Variants in GREB1L observed in about 807,000 individuals in gnomAD.
GREB1L encodes GREB1 like retinoic acid receptor coactivator.
GREB1L carries 17 observed loss-of-function variants against 200.8 expected under a neutral mutation model. That is an observed-to-expected ratio of 0.08 (90% CI 0.06 to 0.13). The LOEUF (loss-of-function observed/expected upper bound fraction) is 0.13, where lower values mean the gene tolerates loss of function less well. Ranked by LOEUF, GREB1L falls within the 10% of genes least tolerant of loss-of-function variation. GREB1L has a pLI of 1.00. For missense variants in GREB1L, 1,657 were observed against 2,367.7 expected (o/e 0.70, Z 6.23); for synonymous variants, 789 against 893.0 (o/e 0.88, Z 2.08).
At chr18:21,312,397 G>A (rs549656864) in intron 1 of GREB1L, among the ~76,000 whole-genome samples, 5 of 152,022 alleles carry the variant, frequency 3.3e-5, no homozygotes, top group African/African-American at 9.7e-5. Flanking sequence ...TTCAGGAATC[G>A]CCACACTGCT....
intron 17 of GREB1L, among the ~76,000 whole-genome samples, chr18:21,481,499 CATT>C: frequency 7.8e-6 from 1 of 128,404 alleles, no homozygotes; most frequent in East Asian, 2.3e-4. Context: ...ATATATATAG[CATT>C]ATTAGAATTT....
intron 25 of GREB1L, 55 bp from the exon 26 acceptor site, chr18:21,508,063 G>A: frequency 1.3e-6 from 2 of 1,510,314 alleles, no homozygotes; most frequent in Non-Finnish European, 9.0e-7. Context: ...TGGCCTGGAA[G>A]TTTGGAAACT....
Position 21,406,454 on chromosome 18 carries a change from A to T in GREB1L, c.832+2460A>T, listed in dbSNP as rs531584715. On this transcript the variant is annotated intron_variant, in intron 7 of 32. Coordinates refer to ENST00000424526, the MANE Select transcript of GREB1L (RefSeq NM_001142966.3). ...TGCAACCCAGAAAATGTAATAAAAGAAAGTGCCTTTATAAGTGATGCTTTG... is the reference window on the plus strand; with the variant it reads ...TGCAACCCAGAAAATGTAATAAAAGTAAGTGCCTTTATAAGTGATGCTTTG... 2.2e-4 allele frequency among the ~76,000 whole-genome samples: 34 copies of T among 152,384 alleles called. 1 individual carries two copies. Among genetic ancestry groups the T allele is most frequent in the Admixed American group, 2.0e-3 (30 of 15,308 alleles).
rs1235166346 is a variant in GREB1L at position 21,477,136 on chromosome 18, ATTAATATG to A, written c.2364-27_2364-20del. ...CTATATCTACTTGGTTAAATGAGGT[ATTAATATG>A]ACTTTCAATTTTTCTACAGTGTCAT... On this transcript the variant is annotated intron_variant, in intron 16 of 32. Coordinates refer to ENST00000424526, the MANE Select transcript of GREB1L (RefSeq NM_001142966.3). 1 of 1,487,934 alleles carries A rather than the reference ATTAATATG, an allele frequency of 6.7e-7. No individual in the cohort carries two copies. Among genetic ancestry groups the A allele is most frequent in the Non-Finnish European group, 9.1e-7 (1 of 1,094,496 alleles). 92.2% of individuals were successfully genotyped at this position (1,487,934 alleles called of 1,614,324 possible).
intron 15 of GREB1L, among the ~76,000 whole-genome samples, chr18:21,471,708 GC>G (rs1291825219): frequency 2.7e-5 from 4 of 148,640 alleles, no homozygotes; most frequent in African/African-American, 1.0e-4. Context: ...CGCAACCTCG[GC>G]CTCCTGGGTT....
intron 10 of GREB1L, among the ~76,000 whole-genome samples, chr18:21,443,693 C>G (rs906048495): frequency 1.4e-4 from 21 of 152,144 alleles, no homozygotes; most frequent in African/African-American, 5.1e-4. Flanking sequence ...GTACAGTTGT[C>G]CCTTAGTATC....
chr18:21,347,861 G>A (rs2039372287), intron 1 of GREB1L, among the ~76,000 whole-genome samples: 1 of 148,080 alleles, frequency 6.8e-6, no homozygotes, highest in South Asian at 2.2e-4. Context: ...CCGCCTCCCA[G>A]GTTCAAGTGA....
chr18:21,364,588 G>A (rs2143615011), intron 1 of GREB1L, among the ~76,000 whole-genome samples: 1 of 152,284 alleles, frequency 6.6e-6, no homozygotes. Context: ...CTATACAAAT[G>A]GTTGAGTATC....
chr18:21,264,487 T>C (rs2037936502), intron 1 of GREB1L, among the ~76,000 whole-genome samples: 2 of 152,146 alleles, frequency 1.3e-5, no homozygotes, highest in African/African-American at 2.4e-5. Flanking sequence ...TGGATGTTCA[T>C]TGGAATAGAA....
At chr18:21,516,782 C>G in intron 30 of GREB1L, 28 bp downstream of exon 30, 1 of 1,541,184 alleles carries the variant, frequency 6.5e-7, no homozygotes, top group South Asian at 1.2e-5. Context: ...GATTCAAGTG[C>G]TGAAAATAAG....
At chr18:21,520,200 C>A (rs927900260) in intron 31 of GREB1L, among the ~76,000 whole-genome samples, 6 of 152,214 alleles carry the variant, frequency 3.9e-5, no homozygotes, top group African/African-American at 1.2e-4. Context: ...CTCGGCCTCT[C>A]AAAGGGCTGG....
rs564241663 is a variant in GREB1L at position 21,412,848 on chromosome 18, C to G, written c.832+8854C>G. Among the ~76,000 whole-genome samples, 8 of 152,220 alleles carry G rather than the reference C, an allele frequency of 5.3e-5. No homozygotes were observed. The East Asian group carries it at 5.8e-4, about 11-fold the overall frequency. On this transcript the variant is annotated intron_variant, in intron 7 of 32. Coordinates refer to ENST00000424526, the MANE Select transcript of GREB1L (RefSeq NM_001142966.3). The stretch of plus-strand genomic sequence containing the variant: ...TAAAAGGGTGGATTTACCACCCCCC[C>G]CCACCACCAAACTACATATATGTAC...
chr18:21,346,028 CAAAG>C (rs2039339602), intron 1 of GREB1L, among the ~76,000 whole-genome samples: 1 of 152,068 alleles, frequency 6.6e-6, no homozygotes, highest in Non-Finnish European at 1.5e-5. Context: ...AGTCCTGACA[CAAAG>C]AAGGCACTCA....
chr18:21,446,847 C>G (rs1203269244), intron 11 of GREB1L, among the ~76,000 whole-genome samples: 1 of 152,132 alleles, frequency 6.6e-6, no homozygotes, highest in Non-Finnish European at 1.5e-5. Context: ...CAGAAGGAAC[C>G]ATACCTCTTC....
intron 1 of GREB1L, among the ~76,000 whole-genome samples, chr18:21,337,353 T>C (rs1404032427): frequency 6.6e-6 from 1 of 152,122 alleles, no homozygotes; most frequent in Middle Eastern, 3.2e-3. Context: ...ATAAACAGTG[T>C]TTAATTGTGT....
At chr18:21,249,027 T>C (rs1285287554) in intron 1 of GREB1L, among the ~76,000 whole-genome samples, 1 of 152,184 alleles carries the variant, frequency 6.6e-6, no homozygotes, top group Non-Finnish European at 1.5e-5. Flanking sequence ...ACATTATTTA[T>C]AAAAGTAAAA....
intron 14 of GREB1L, 33 bp from the exon 15 acceptor site, chr18:21,454,333 A>G: frequency 6.9e-7 from 1 of 1,459,142 alleles, no homozygotes; most frequent in Non-Finnish European, 9.4e-7. Flanking sequence ...AAGTAAATTA[A>G]CCTTGTTCTT....
At chr18:21,385,344 C>T (rs1458402193) in intron 4 of GREB1L, among the ~76,000 whole-genome samples, 1 of 151,206 alleles carries the variant, frequency 6.6e-6, no homozygotes, top group Admixed American at 6.6e-5. Flanking sequence ...TCAGAAAGCC[C>T]TGCTTGGGAG....
chr18:21,412,616 C>A (rs2031184662), intron 7 of GREB1L, among the ~76,000 whole-genome samples: 1 of 152,086 alleles, frequency 6.6e-6, no homozygotes. Flanking sequence ...GGAATGCATA[C>A]AAAACACAGT....
Sources: gnomAD v4.1 joint callset for allele counts (sites outside exome capture counted in the v4.1 genomes callset) on GRCh38, gnomAD v4.1.1 for gene constraint, MANE v1.5 for transcripts, NCBI Gene and HGNC (gene_info 2026-07-23, HGNC 2026-07-21) for gene names.